The following LINGO2 variants were observed in gnomAD, a reference collection of about 807,000 sequenced individuals.
The protein encoded by LINGO2 is leucine rich repeat and Ig domain containing 2.
A neutral mutation model predicts 30.6 loss-of-function variants in LINGO2; 14 were observed. The ratio of observed to expected loss-of-function variants is 0.46; its 90% CI spans 0.30 to 0.72. LINGO2 has a LOEUF of 0.72. Among genes scored for constraint, LINGO2 ranks in the 30% least tolerant of loss-of-function variants. The pLI is 0.07. For missense variants in LINGO2, 729 were observed against 751.7 expected, an observed-to-expected ratio of 0.97 and a Z score of 0.35; for synonymous variants, 317 against 288.5, an observed-to-expected ratio of 1.10 and a Z score of -1.00.
the LINGO2 span, among the ~76,000 whole-genome samples, chr9:28,809,225 T>C: frequency 5.3e-5 from 8 of 152,344 alleles, no homozygotes; most frequent in South Asian, 6.2e-4. Context: ...CCAAAGTTCT[T>C]AATAGGATTC....
At chr9:28,790,121 T>G in the LINGO2 span, among the ~76,000 whole-genome samples, 1 of 152,098 alleles carries the variant, frequency 6.6e-6, no homozygotes, top group East Asian at 1.9e-4. Flanking sequence ...CATAATGAAA[T>G]CTTGCACCAT....
At chr9:28,921,095 T>C in the LINGO2 span, among the ~76,000 whole-genome samples, 2 of 152,092 alleles carry the variant, frequency 1.3e-5, no homozygotes, top group Non-Finnish European at 2.9e-5. Flanking sequence ...TGGAAAAAAA[T>C]TGAGAGGCAG....
At chr9:28,792,387 G>T in the LINGO2 span, among the ~76,000 whole-genome samples, 1 of 152,022 alleles carries the variant, frequency 6.6e-6, no homozygotes, top group African/African-American at 2.4e-5. Context: ...TTTAAAGACT[G>T]CATTAAACAA....
intron 2 of LINGO2, among the ~76,000 whole-genome samples, chr9:28,436,157 A>G (rs892458962): frequency 6.6e-6 from 1 of 152,202 alleles, no homozygotes; most frequent in African/African-American, 2.4e-5. Context: ...TGTAATTGCA[A>G]GGACTTCAAG....
At chr9:29,061,296 T>C in the LINGO2 span, among the ~76,000 whole-genome samples, 1 of 151,812 alleles carries the variant, frequency 6.6e-6, no homozygotes, top group African/African-American at 2.4e-5. Context: ...TTCAATACAA[T>C]CCCTATCAAA....
the LINGO2 span, among the ~76,000 whole-genome samples, chr9:28,879,468 G>A: frequency 4.2e-4 from 64 of 152,218 alleles, no homozygotes; most frequent in African/African-American, 1.5e-3. Context: ...TAAAAAGTCA[G>A]CTATATTAAC....
At chr9:29,143,468 G>C in the LINGO2 span, among the ~76,000 whole-genome samples, 1 of 151,948 alleles carries the variant, frequency 6.6e-6, no homozygotes, top group African/African-American at 2.4e-5. Flanking sequence ...CAGATACATA[G>C]ACAAGTGGGA....
At chr9:28,260,938 T>G (rs1254357518) in intron 4 of LINGO2, among the ~76,000 whole-genome samples, 1 of 151,922 alleles carries the variant, frequency 6.6e-6, no homozygotes, top group Non-Finnish European at 1.5e-5. Flanking sequence ...TCATCAACAA[T>G]CTTTGTGTCA....
intron 4 of LINGO2, among the ~76,000 whole-genome samples, chr9:28,073,244 C>A (rs1030327747): frequency 6.6e-6 from 1 of 151,976 alleles, no homozygotes; most frequent in African/African-American, 2.4e-5. Context: ...TAAGGCCTAC[C>A]CCGTATTAGC....
the LINGO2 span, among the ~76,000 whole-genome samples, chr9:29,197,918 A>G: frequency 1.3e-5 from 2 of 152,128 alleles, no homozygotes; most frequent in Non-Finnish European, 2.9e-5. Flanking sequence ...TTAGTAGCAC[A>G]TGAAGGAACA....
At chr9:27,948,075 C>A (rs1255798951), downstream of LINGO2, 1 of 152,134 alleles carries the variant, frequency 6.6e-6, no homozygotes. Flanking sequence ...AAAAAATATT[C>A]CATTCTGTAT....
At chr9:28,483,564 A>G (rs1358811480) in intron 1 of LINGO2, among the ~76,000 whole-genome samples, 1 of 151,972 alleles carries the variant, frequency 6.6e-6, no homozygotes, top group Non-Finnish European at 1.5e-5. Context: ...AAAAGATAAA[A>G]AAAGAACTGT....
At chr9:28,862,156 T>G in the LINGO2 span, among the ~76,000 whole-genome samples, 2 of 152,060 alleles carry the variant, frequency 1.3e-5, no homozygotes, top group African/African-American at 4.8e-5. Context: ...TTCCCACCTG[T>G]CCTCACACAT....
intron 1 of LINGO2, among the ~76,000 whole-genome samples, chr9:28,522,885 GA>G (rs918213668): frequency 1.5e-4 from 22 of 144,540 alleles, no homozygotes; most frequent in East Asian, 4.0e-4. Flanking sequence ...GTAGAAATCA[GA>G]AAAAAAAAAT....
At chr9:28,201,236 A>G (rs1449264215) in intron 4 of LINGO2, among the ~76,000 whole-genome samples, 1 of 99,242 alleles carries the variant, frequency 1.0e-5, no homozygotes, top group Middle Eastern at 5.0e-3. Context: ...CCTCCCCCCA[A>G]CCCCACCACA....
chr9:28,442,789 A>G (rs544273298), intron 2 of LINGO2, among the ~76,000 whole-genome samples: 46 of 152,270 alleles, frequency 3.0e-4, no homozygotes, highest in Admixed American at 3.9e-4. Context: ...TTATATATAT[A>G]TATTCTTACA....
the LINGO2 span, among the ~76,000 whole-genome samples, chr9:28,884,091 G>A: frequency 5.3e-4 from 73 of 136,466 alleles, 1 homozygote; most frequent in African/African-American, 2.0e-3. Context: ...TTAATCCCTG[G>A]AGAATAGCGC....
At chr9:29,148,096 T>A in the LINGO2 span, among the ~76,000 whole-genome samples, 1 of 152,104 alleles carries the variant, frequency 6.6e-6, no homozygotes, top group Non-Finnish European at 1.5e-5. Flanking sequence ...TTCACAGTGG[T>A]CTAAAATAAC....
At chr9:28,192,851 A>AT (rs66536424) in intron 4 of LINGO2, among the ~76,000 whole-genome samples, 6,790 of 152,156 alleles carry the variant, frequency 0.045, 222 homozygotes, top group South Asian at 0.1. Flanking sequence ...TTGAAAATAC[A>AT]TTTTTCTATG....
Sources: allele counts gnomAD v4.1 joint callset (sites outside exome capture counted in the v4.1 genomes callset), GRCh38; gene constraint gnomAD v4.1.1; transcripts MANE v1.5; gene names NCBI Gene and HGNC (gene_info 2026-07-23, HGNC 2026-07-21).